The following SLC24A3 variants were observed in gnomAD, a reference collection of about 807,000 sequenced individuals.
The protein encoded by SLC24A3 is solute carrier family 24 member 3.
In SLC24A3, 28 loss-of-function variants were observed where a neutral mutation model predicts 75.8. The ratio of observed to expected loss-of-function variants is 0.37; its 90% CI spans 0.27 to 0.51. The LOEUF is 0.51. Ranked by LOEUF, SLC24A3 falls within the 20% of genes least tolerant of loss-of-function variation. The pLI, the probability that SLC24A3 is intolerant of heterozygous loss-of-function variation, is 0.94. For missense variants in SLC24A3, 663 were observed against 847.8 expected, an observed-to-expected ratio of 0.78 and a Z score of 2.71; for synonymous variants, 372 against 334.1, an observed-to-expected ratio of 1.11 and a Z score of -1.24.
At chr20:19,249,309 G>A (rs1568568508) in intron 1 of SLC24A3, among the ~76,000 whole-genome samples, 1 of 152,288 alleles carries the variant, frequency 6.6e-6, no homozygotes, top group African/African-American at 2.4e-5. Context: ...GTACTCCTAA[G>A]TTTGGCTCAG....
intron 6 of SLC24A3, among the ~76,000 whole-genome samples, chr20:19,651,228 TTTTA>T (rs1301658108): frequency 6.6e-6 from 1 of 151,798 alleles, no homozygotes; most frequent in East Asian, 1.9e-4. Flanking sequence ...AAAATTTTAT[TTTTA>T]TTCTTTTCTC....
At chr20:19,289,876 G>A (rs1002244387) in intron 2 of SLC24A3, among the ~76,000 whole-genome samples, 1 of 152,148 alleles carries the variant, frequency 6.6e-6, no homozygotes, top group African/African-American at 2.4e-5. Flanking sequence ...GACATGAGGG[G>A]CACCTCCAGG....
chr20:19,425,153 A>G (rs2122442969), intron 2 of SLC24A3, among the ~76,000 whole-genome samples: 1 of 152,224 alleles, frequency 6.6e-6, no homozygotes, highest in East Asian at 1.9e-4. Context: ...AAATACAAAA[A>G]TTAGCTGGGC....
intron 6 of SLC24A3, among the ~76,000 whole-genome samples, chr20:19,586,959 A>T (rs1210241541): frequency 6.6e-6 from 1 of 152,142 alleles, no homozygotes; most frequent in Non-Finnish European, 1.5e-5. Flanking sequence ...TGTAGTTAGT[A>T]TTTTTTTAAA....
intron 6 of SLC24A3, among the ~76,000 whole-genome samples, chr20:19,652,590 G>T (rs763630208): frequency 5.3e-5 from 8 of 152,172 alleles, no homozygotes; most frequent in Non-Finnish European, 1.2e-4. Flanking sequence ...AAATGCAAAT[G>T]CTTCACCTAA....
intron 2 of SLC24A3, among the ~76,000 whole-genome samples, chr20:19,424,761 A>ACT (rs1568614275): frequency 1.4e-5 from 2 of 143,198 alleles, no homozygotes; most frequent in East Asian, 4.1e-4. Flanking sequence ...AAAAAAAAAA[A>ACT]AAAAAAAAAA....
At chr20:19,711,224 C>T (rs1391008450) in intron 15 of SLC24A3, among the ~76,000 whole-genome samples, 1 of 152,132 alleles carries the variant, frequency 6.6e-6, no homozygotes, top group Non-Finnish European at 1.5e-5. Context: ...AACGCACACA[C>T]ACATGCAGAC....
intron 1 of SLC24A3, among the ~76,000 whole-genome samples, chr20:19,255,792 A>G (rs1033220013): frequency 4.6e-5 from 7 of 152,130 alleles, no homozygotes; most frequent in Non-Finnish European, 1.0e-4. Context: ...AAGAATGAAA[A>G]ATACCCCAGT....
chr20:19,375,926 G>A (rs1986075885), intron 2 of SLC24A3, among the ~76,000 whole-genome samples: 1 of 152,218 alleles, frequency 6.6e-6, no homozygotes, highest in African/African-American at 2.4e-5. Context: ...ATTTTTTAAT[G>A]AGGCAAGAGC....
At chr20:19,276,821 T>C (rs375713667) in intron 1 of SLC24A3, among the ~76,000 whole-genome samples, 1 of 151,926 alleles carries the variant, frequency 6.6e-6, no homozygotes, top group East Asian at 1.9e-4. Context: ...AGGAGGATCA[T>C]GTGAGCCTCG....
intron 2 of SLC24A3, among the ~76,000 whole-genome samples, chr20:19,300,288 C>T (rs967458342): frequency 6.6e-6 from 1 of 152,194 alleles, no homozygotes; most frequent in African/African-American, 2.4e-5. Context: ...ACAGCTTCCA[C>T]CCAGCTCTCT....
At position 19,578,024 on chromosome 20, in the gene SLC24A3, A is replaced by G. The variant is rs143900732; in HGVS notation, c.349-1976A>G. ...GAGACCAAACATATATGTGAAAAGC[A>G]AACAAGCTCATACAAAGCAGGGACC... On this transcript the variant is annotated intron_variant, in intron 3 of 16. Coordinates refer to ENST00000328041, the MANE Select transcript of SLC24A3 (RefSeq NM_020689.4). 2.8e-3 allele frequency among the ~76,000 whole-genome samples: 428 copies of G among 152,356 alleles called. 2 individuals carry two copies. The highest frequency in any genetic ancestry group is 9.6e-3 in the African/African-American group (400 of 41,580).
At chr20:19,557,492 C>G (rs114137319) in intron 3 of SLC24A3, among the ~76,000 whole-genome samples, 1 of 152,198 alleles carries the variant, frequency 6.6e-6, no homozygotes, top group Non-Finnish European at 1.5e-5. Flanking sequence ...ATTGACAAAT[C>G]ACTTCCTCAA....
At chr20:19,535,284 C>G (rs1190481008) in intron 3 of SLC24A3, among the ~76,000 whole-genome samples, 1 of 152,210 alleles carries the variant, frequency 6.6e-6, no homozygotes, top group East Asian at 1.9e-4. Context: ...GGGCTGGACT[C>G]AACTGCGTGG....
At chr20:19,450,495 C>T (rs1054317665) in intron 2 of SLC24A3, among the ~76,000 whole-genome samples, 2 of 152,130 alleles carry the variant, frequency 1.3e-5, no homozygotes, top group African/African-American at 4.8e-5. Flanking sequence ...TGTGCAACGT[C>T]ACGTGTCATG....
intron 3 of SLC24A3, among the ~76,000 whole-genome samples, chr20:19,545,423 G>A (rs970690730): frequency 2.6e-5 from 4 of 152,216 alleles, no homozygotes; most frequent in South Asian, 2.1e-4. Flanking sequence ...GAGCTGCTCC[G>A]TGTATGCAGA....
At chr20:19,626,615 C>T (rs1331962976) in intron 6 of SLC24A3, among the ~76,000 whole-genome samples, 1 of 152,182 alleles carries the variant, frequency 6.6e-6, no homozygotes, top group East Asian at 1.9e-4. Context: ...GTAGTTAGTG[C>T]TTCCTTGTAA....
intron 8 of SLC24A3, among the ~76,000 whole-genome samples, chr20:19,668,406 A>C (rs2032426184): frequency 6.6e-6 from 1 of 152,236 alleles, no homozygotes; most frequent in Non-Finnish European, 1.5e-5. Flanking sequence ...CAGAGTCTTC[A>C]GTCTGTGCAA....
intron 1 of SLC24A3, among the ~76,000 whole-genome samples, chr20:19,277,152 G>T (rs1983513666): frequency 1.3e-5 from 2 of 152,178 alleles, no homozygotes; most frequent in South Asian, 4.1e-4. Context: ...GTCCTTTGAG[G>T]TCACTATACC....
Sources: allele counts gnomAD v4.1 joint callset (sites outside exome capture counted in the v4.1 genomes callset), GRCh38; gene constraint gnomAD v4.1.1; transcripts MANE v1.5; gene names NCBI Gene and HGNC (gene_info 2026-07-23, HGNC 2026-07-21).